Variants in PCDH11X observed in about 807,000 individuals in gnomAD.
The protein encoded by PCDH11X is protocadherin 11 X-linked, also known as protocadherin-11 X-linked.
Under a neutral mutation model 53.3 loss-of-function variants are expected in PCDH11X, and 18 were observed. That is an observed-to-expected ratio of 0.34 (90% CI 0.23 to 0.50). PCDH11X has a LOEUF of 0.50. Among genes scored for constraint, PCDH11X ranks in the 20% least tolerant of loss-of-function variants. The pLI is 0.98. For missense variants in PCDH11X, 570 were observed against 1,032.4 expected (o/e 0.55, Z 6.14); for synonymous variants, 279 against 393.3 (o/e 0.71, Z 3.44).
chrX:92,094,908 T>C (rs1333329902), intron 6 of PCDH11X, among the ~76,000 whole-genome samples: 3 of 111,939 alleles, frequency 2.7e-5, no homozygotes, highest in Non-Finnish European at 1.9e-5. Flanking sequence ...ATGTTTATGA[T>C]GTCACTCCAC....
intron 7 of PCDH11X, among the ~76,000 whole-genome samples, chrX:92,234,029 G>T (rs1421988605): frequency 9.0e-6 from 1 of 111,654 alleles, no homozygotes; most frequent in Non-Finnish European, 1.9e-5. Context: ...GATGTTGAAG[G>T]ATGTCATAAA....
chrX:91,781,740 A>G (rs1935151670), intron 1 of PCDH11X, among the ~76,000 whole-genome samples: 1 of 111,550 alleles, frequency 9.0e-6, no homozygotes, highest in Non-Finnish European at 1.9e-5. Context: ...GTAATAGTGT[A>G]TGTACACGTT....
intron 8 of PCDH11X, among the ~76,000 whole-genome samples, chrX:92,285,006 T>C (rs2068332506): frequency 9.0e-6 from 1 of 111,376 alleles, no homozygotes; most frequent in Admixed American, 9.6e-5. Flanking sequence ...TTTTTCCCTC[T>C]GTTTTCGCCT....
rs764868758 is a variant in PCDH11X, at chrX:92,395,955, A to T, written c.3343+8022A>T. Among the ~76,000 whole-genome samples, 984 of 108,837 alleles carry T rather than the reference A, an allele frequency of 9.0e-3. 17 individuals are homozygous for T. The highest frequency in any genetic ancestry group is 0.027 in the African/African-American group (805 of 29,894). The allele number at this position is 108,837 out of a possible 115,157, so 94.5% of individuals were successfully genotyped here. Reference sequence around the variant, plus strand: ...ATGTGATGAGGCCCTTTTTTTTTTTAAAAAAGGTTCCCATTTTAAAAATGC... The same window carrying T: ...ATGTGATGAGGCCCTTTTTTTTTTTTAAAAAGGTTCCCATTTTAAAAATGC... On this transcript the variant is annotated intron_variant, in intron 9 of 10. Transcript: ENST00000682573.
At chrX:92,384,762 A>C (rs748597853) in intron 8 of PCDH11X, among the ~76,000 whole-genome samples, 1 of 106,941 alleles carries the variant, frequency 9.4e-6, no homozygotes, top group Non-Finnish European at 1.9e-5. Flanking sequence ...AAATATCTCA[A>C]GCACTGCTTA....
At chrX:91,973,795 A>G (rs2062007985) in intron 6 of PCDH11X, among the ~76,000 whole-genome samples, 1 of 108,086 alleles carries the variant, frequency 9.3e-6, no homozygotes, top group African/African-American at 3.4e-5. Flanking sequence ...TTGTATGTTT[A>G]GTAGAGATGA....
chrX:92,304,129 A>G (rs1489734906), intron 8 of PCDH11X, among the ~76,000 whole-genome samples: 1 of 105,879 alleles, frequency 9.4e-6, no homozygotes, highest in Non-Finnish European at 1.9e-5. Context: ...TTGTCAACCT[A>G]TGTGGATGGT....
intron 10 of PCDH11X, among the ~76,000 whole-genome samples, chrX:92,474,753 T>G (rs2073339804): frequency 9.8e-6 from 1 of 101,931 alleles, no homozygotes; most frequent in African/African-American, 3.7e-5. Flanking sequence ...CTCTACATTT[T>G]ATTACCCTAC....
At chrX:91,824,857 T>C (rs1279574546) in intron 4 of PCDH11X, among the ~76,000 whole-genome samples, 1 of 107,798 alleles carries the variant, frequency 9.3e-6, no homozygotes, top group Non-Finnish European at 1.9e-5. Flanking sequence ...GTTTTTGGTG[T>C]GGATGTCCTT....
At chrX:92,142,849 G>GTGTA (rs1556053281) in intron 6 of PCDH11X, among the ~76,000 whole-genome samples, 15 of 107,462 alleles carry the variant, frequency 1.4e-4, no homozygotes, top group African/African-American at 5.1e-4. Flanking sequence ...TAAATTGTGT[G>GTGTA]TATATATATA....
intron 5 of PCDH11X, among the ~76,000 whole-genome samples, chrX:91,836,820 A>T (rs562656185): frequency 9.0e-6 from 1 of 111,201 alleles, no homozygotes; most frequent in Admixed American, 9.7e-5. Flanking sequence ...AATATTTGGT[A>T]TTCTTCAAAA....
chrX:91,960,786 G>C (rs868051280), intron 6 of PCDH11X, among the ~76,000 whole-genome samples: 1 of 110,990 alleles, frequency 9.0e-6, no homozygotes, highest in Non-Finnish European at 1.9e-5. Flanking sequence ...GTGTAGGGGT[G>C]CACTTTTATT....
chrX:91,809,181 T>C (rs1936217385), intron 1 of PCDH11X, among the ~76,000 whole-genome samples: 1 of 111,276 alleles, frequency 9.0e-6, no homozygotes, highest in Non-Finnish European at 1.9e-5. Flanking sequence ...CTCTTCCTTA[T>C]ACCCACATTC....
intron 10 of PCDH11X, among the ~76,000 whole-genome samples, chrX:92,469,522 T>A (rs1489617320): frequency 1.8e-5 from 2 of 111,771 alleles, no homozygotes; most frequent in African/African-American, 3.2e-5. Flanking sequence ...AATTTCATAG[T>A]TTGAAGTCTT....
chrX:92,012,067 C>A (rs1426528977), intron 6 of PCDH11X, among the ~76,000 whole-genome samples: 2 of 110,766 alleles, frequency 1.8e-5, no homozygotes, highest in Admixed American at 1.9e-4. Flanking sequence ...TTACAGCAAC[C>A]TAATAGGCAA....
chrX:92,590,337 C>A (rs1215880955), intron 10 of PCDH11X, among the ~76,000 whole-genome samples: 1 of 111,141 alleles, frequency 9.0e-6, no homozygotes, highest in East Asian at 2.9e-4. Flanking sequence ...GGAAGAAACT[C>A]TTGGGAAGTT....
At chrX:91,784,801 A>G (rs1467604393) in intron 1 of PCDH11X, among the ~76,000 whole-genome samples, 1 of 110,192 alleles carries the variant, frequency 9.1e-6, no homozygotes, top group East Asian at 2.9e-4. Context: ...CCCCTTTTAC[A>G]TCCTCCTCCC....
At chrX:92,416,629 A>T (rs772769885) in intron 9 of PCDH11X, among the ~76,000 whole-genome samples, 1 of 110,568 alleles carries the variant, frequency 9.0e-6, no homozygotes, top group African/African-American at 3.3e-5. Flanking sequence ...TAACACAAAG[A>T]AATGATAAAT....
chrX:91,832,365 C>A (rs1286452466), intron 4 of PCDH11X, among the ~76,000 whole-genome samples: 1 of 108,842 alleles, frequency 9.2e-6, no homozygotes, highest in Non-Finnish European at 1.9e-5. Context: ...AAGCTGGAAA[C>A]CATCATTCTC....
Sources: gnomAD v4.1 joint callset for allele counts (sites outside exome capture counted in the v4.1 genomes callset) on GRCh38, gnomAD v4.1.1 for gene constraint, MANE v1.5 for transcripts, NCBI Gene and HGNC (gene_info 2026-07-23, HGNC 2026-07-21) for gene names.